Variants in JMJD1C observed in about 807,000 individuals in gnomAD.
JMJD1C encodes the protein jumonji domain-containing protein 1C.
Under a neutral mutation model 245.3 loss-of-function variants are expected in JMJD1C, and 31 were observed. The ratio of observed to expected loss-of-function variants is 0.13; its 90% confidence interval spans 0.09 to 0.17. JMJD1C has a LOEUF of 0.17. Ranked by LOEUF, JMJD1C falls within the 10% of genes least tolerant of loss-of-function variation. The pLI is 1.00. For missense variants in JMJD1C, 2,691 were observed against 3,000.2 expected, an observed-to-expected ratio of 0.90 and a Z score of 2.41; for synonymous variants, 1,057 against 1,017.4, an observed-to-expected ratio of 1.04 and a Z score of -0.74.
intron 18 of JMJD1C, 137 bp downstream of exon 18, chr10:63,189,030 AC>A: frequency 3.1e-6 from 2 of 644,900 alleles, no homozygotes; most frequent in Non-Finnish European, 4.9e-6. Flanking sequence ...TCTTTTCGGT[AC>A]TTTTATATCT....
intron 1 of JMJD1C, among the ~76,000 whole-genome samples, chr10:63,503,091 C>A (rs982623747): frequency 3.9e-5 from 6 of 152,262 alleles, no homozygotes; most frequent in Admixed American, 3.9e-4. Flanking sequence ...CCTTAAGTGA[C>A]ACACAAAGAT....
At chr10:63,258,528 A>C (rs1261462665) in intron 3 of JMJD1C, among the ~76,000 whole-genome samples, 1 of 152,192 alleles carries the variant, frequency 6.6e-6, no homozygotes, top group African/African-American at 2.4e-5. Context: ...TCTTTAGCTA[A>C]GCTGACATTC....
At chr10:63,462,129 C>T (rs1378899513) in intron 1 of JMJD1C, among the ~76,000 whole-genome samples, 1 of 152,146 alleles carries the variant, frequency 6.6e-6, no homozygotes, top group African/African-American at 2.4e-5. Flanking sequence ...TATATTTCAA[C>T]TTCTTCAACA....
intron 2 of JMJD1C, among the ~76,000 whole-genome samples, chr10:63,321,565 G>A (rs1243020609): frequency 6.6e-6 from 1 of 152,126 alleles, no homozygotes; most frequent in Non-Finnish European, 1.5e-5. Flanking sequence ...AGTCGACAGT[G>A]GAAAAAACAA....
intron 1 of JMJD1C, among the ~76,000 whole-genome samples, chr10:63,473,424 T>C (rs1344279679): frequency 2.0e-5 from 3 of 151,784 alleles, no homozygotes; most frequent in Non-Finnish European, 4.4e-5. Context: ...TTTTGCATTT[T>C]TGAGTAGAGA....
intron 2 of JMJD1C, among the ~76,000 whole-genome samples, chr10:63,377,350 T>C (rs1046964583): frequency 2.6e-4 from 39 of 152,222 alleles, no homozygotes; most frequent in Non-Finnish European, 3.4e-4. Flanking sequence ...ACGAATGTAC[T>C]TACTACCAAT....
At chr10:63,273,126 TGATGCAAAG>T (rs1361178732) in intron 2 of JMJD1C, among the ~76,000 whole-genome samples, 1 of 152,222 alleles carries the variant, frequency 6.6e-6, no homozygotes, top group East Asian at 1.9e-4. Flanking sequence ...AATCAATTCT[TGATGCAAAG>T]GATGCAGAGT....
intron 1 of JMJD1C, chr10:63,427,680 AG>A: frequency 7.6e-7 from 1 of 1,308,214 alleles, no homozygotes; most frequent in East Asian, 2.3e-5. Flanking sequence ...AAATCCGCAG[AG>A]AAGCCTGGGT....
chr10:63,296,015 T>TATA lies in JMJD1C; in HGVS notation c.334-31252_334-31251insTAT, dbSNP rs1564748429. 2.1e-3 allele frequency among the ~76,000 whole-genome samples: 232 copies of TATA among 110,774 alleles called. 4 individuals carry two copies. Among genetic ancestry groups the TATA allele is most frequent in the African/African-American group, 7.4e-3 (212 of 28,626 alleles). The allele number at this position is 110,774 out of a possible 152,430, so 72.7% of individuals were successfully genotyped here. On this transcript the variant is annotated intron_variant, in intron 2 of 25. Transcript: ENST00000399262. ...TGTGTGTGTGTGTGTATATATATAT[T>TATA]TTTTTTTTTTTCTTAGATGGAGTTT... is the stretch of plus-strand genomic sequence containing the variant.
At chr10:63,301,636 A>G (rs1443099757) in intron 2 of JMJD1C, 1 of 331,884 alleles carries the variant, frequency 3.0e-6, no homozygotes, top group East Asian at 1.0e-4. Flanking sequence ...AGGGAAGGAA[A>G]CATCACAGAC....
intron 2 of JMJD1C, among the ~76,000 whole-genome samples, chr10:63,379,145 G>C (rs1054225119): frequency 2.0e-5 from 3 of 151,844 alleles, no homozygotes; most frequent in Non-Finnish European, 4.4e-5. Context: ...AACTAAAATA[G>C]AAAATTTATA....
At chr10:63,281,559 C>T (rs1455949714) in intron 2 of JMJD1C, among the ~76,000 whole-genome samples, 1 of 146,450 alleles carries the variant, frequency 6.8e-6, no homozygotes, top group Non-Finnish European at 1.5e-5. Flanking sequence ...CGACCTCTGC[C>T]TCCCGGGTTC....
chr10:63,404,589 A>C (rs1949063920), intron 1 of JMJD1C, among the ~76,000 whole-genome samples: 1 of 152,186 alleles, frequency 6.6e-6, no homozygotes, highest in Non-Finnish European at 1.5e-5. Context: ...AGAAGTAAAA[A>C]TTATCTCTTA....
At chr10:63,382,963 A>G in intron 1 of JMJD1C, 1 of 398,672 alleles carries the variant, frequency 2.5e-6, no homozygotes, top group Non-Finnish European at 5.0e-6. Flanking sequence ...GTATATAAGC[A>G]AATACCGTCC....
intron 1 of JMJD1C, among the ~76,000 whole-genome samples, chr10:63,393,448 A>G (rs970223426): frequency 6.6e-6 from 1 of 152,206 alleles, no homozygotes; most frequent in South Asian, 2.1e-4. Flanking sequence ...GGGAATATAA[A>G]TTAGTACAGT....
chr10:63,427,622 A>G (rs1342291020), intron 1 of JMJD1C: 1 of 1,381,148 alleles, frequency 7.2e-7, no homozygotes, highest in Non-Finnish European at 1.0e-6. Context: ...ATGGTGGTGG[A>G]GAAACAGTGT....
intron 2 of JMJD1C, among the ~76,000 whole-genome samples, chr10:63,367,776 T>C (rs1211307427): frequency 6.6e-6 from 1 of 152,160 alleles, no homozygotes; most frequent in East Asian, 1.9e-4. Flanking sequence ...AATCTGTTGG[T>C]GAAGTCCTAA....
At chr10:63,480,116 T>C (rs1953784664) in intron 1 of JMJD1C, among the ~76,000 whole-genome samples, 1 of 152,188 alleles carries the variant, frequency 6.6e-6, no homozygotes, top group African/African-American at 2.4e-5. Flanking sequence ...TTACACTATA[T>C]AGTTAGTTGT....
chr10:63,243,944 T>A (rs1366379691), intron 3 of JMJD1C, among the ~76,000 whole-genome samples: 1 of 152,146 alleles, frequency 6.6e-6, no homozygotes, highest in African/African-American at 2.4e-5. Context: ...CCCACCAACT[T>A]ATGGTTTCTA....
Sources: gnomAD v4.1 joint callset for allele counts (sites outside exome capture counted in the v4.1 genomes callset) on GRCh38, gnomAD v4.1.1 for gene constraint, MANE v1.5 for transcripts, NCBI Gene and HGNC (gene_info 2026-07-23, HGNC 2026-07-21) for gene names.